The following ATXN2L variants were observed in gnomAD, a reference collection of about 807,000 sequenced individuals.
ATXN2L encodes ataxin 2 like, also known as ataxin-2-like protein.
Under a neutral mutation model 120.7 loss-of-function variants are expected in ATXN2L, and 24 were observed. The observed-to-expected ratio is 0.20, with a 90% CI of 0.14 to 0.28. The LOEUF (loss-of-function observed/expected upper bound fraction) is 0.28. ATXN2L is among the 10% of genes least tolerant of loss of function. The pLI is 1.00. For synonymous variants in ATXN2L, 653 were observed against 568.1 expected, an observed-to-expected ratio of 1.15 and a Z score of -2.13; for missense variants, 1,312 against 1,432.3, an observed-to-expected ratio of 0.92 and a Z score of 1.36.
At chr16:28,826,164 A>G (rs1005944225) in intron 4 of ATXN2L, 76 bp from the exon 5 acceptor site, 100 of 1,555,778 alleles carry the variant, frequency 6.4e-5, no homozygotes, top group Non-Finnish European at 5.6e-5. Context: ...GTTCTATTTA[A>G]GAGAAATCCA....
intron 18 of ATXN2L, 35 bp from the exon 19 acceptor site, chr16:28,835,023 G>A (rs752820877): frequency 9.4e-6 from 15 of 1,591,370 alleles, no homozygotes; most frequent in South Asian, 6.9e-5. Context: ...CCCAGCTGGC[G>A]GCTGTGCCAA....
In ATXN2L at chr16:28,836,846, G is replaced by C. The variant is rs1307278152; in HGVS notation, c.*581G>C. The C allele has an allele frequency of 7.6e-6, 12 of 1,585,826 alleles. No homozygotes were observed. Among genetic ancestry groups the C allele is most frequent in the Non-Finnish European group, 1.0e-5 (12 of 1,157,544 alleles). ...AGAGTGATCTATGTCTCTTCCCCCA[G>C]CAGCTCGGACCACTCCCAGCCCCCC... On this transcript the variant is annotated 3_prime_UTR_variant, in exon 22 of 22. Transcript: ENST00000336783.
chr16:28,823,400 T>C lies in ATXN2L; in HGVS notation c.141T>C (p.Ala47=). 1 of 1,324,750 alleles carries C rather than the reference T, an allele frequency of 7.5e-7. No individual in the cohort carries two copies. Among genetic ancestry groups the C allele is most frequent in the Non-Finnish European group, 9.6e-7 (1 of 1,041,882 alleles). 82.1% of individuals were successfully genotyped at this position (1,324,750 alleles called of 1,614,324 possible). ...CGGGGCCGCTGGCCACCTCTGCGGC[T>C]CCTCCCGGGCCTCCAGCGGCCGCCT... ...GLPGPLATSA[A]PPGPPAAASP... The change falls in exon 1 of 22, where the codon GCT becomes GCC. Residue 47 remains alanine (A), a synonymous_variant. Coordinates refer to ENST00000336783, the MANE Select transcript of ATXN2L (RefSeq NM_007245.4).
chr16:28,836,499 A>G lies in ATXN2L; in HGVS notation c.*234A>G. On this transcript the variant is annotated 3_prime_UTR_variant, in exon 22 of 22. Coordinates refer to ENST00000336783, the MANE Select transcript of ATXN2L (RefSeq NM_007245.4). ...GACTTAGCCGAGGTAAGGTCAGTGC[A>G]GCAGACAGGGCCAGACTGGGGTGTG... 1.2e-6 allele frequency: 2 copies of G among 1,606,562 alleles called. No individual in the cohort carries two copies. Among genetic ancestry groups the G allele is most frequent in the South Asian group, 2.2e-5 (2 of 90,178 alleles).
chr16:28,835,446 G>A, intron 20 of ATXN2L, 47 bp downstream of exon 20: 2 of 1,611,728 alleles, frequency 1.2e-6, no homozygotes, highest in Non-Finnish European at 1.7e-6. Flanking sequence ...AGGAATGGGT[G>A]GCCAGAAGAA....
rs763716379 is a variant in ATXN2L, at chr16:28,823,418, G to A, written c.159G>A (p.Ala53=). ...CTGCGGCTCCTCCCGGGCCTCCAGCGGCCGCCTCCCCCTGCCTGGGGCCTG... is the reference window on the plus strand; with the variant it reads ...CTGCGGCTCCTCCCGGGCCTCCAGCAGCCGCCTCCCCCTGCCTGGGGCCTG... ...ATSAAPPGPP[A]AASPCLGPVA... The change falls in exon 1 of 22, where the codon GCG becomes GCA. Residue 53 remains alanine (A), a synonymous_variant. Coordinates refer to ENST00000336783, the MANE Select transcript of ATXN2L (RefSeq NM_007245.4). 12 of 1,303,652 alleles carry A rather than the reference G, an allele frequency of 9.2e-6. No individual in the cohort carries two copies. Among genetic ancestry groups the A allele is most frequent in the Admixed American group, 3.9e-5 (1 of 25,370 alleles). 80.8% of individuals were successfully genotyped at this position (1,303,652 alleles called of 1,614,324 possible).
chr16:28,829,722 G>T (rs1241909016), intron 7 of ATXN2L, 136 bp from the exon 8 acceptor site: 5 of 938,520 alleles, frequency 5.3e-6, no homozygotes, highest in Non-Finnish European at 8.3e-6. Context: ...TGCAGTCGGT[G>T]CCCGTTACCC....
chr16:28,835,271 G>C lies in ATXN2L; in HGVS notation c.2564-7G>C, dbSNP rs1959998001. ...TCAGCACTGGTTCTCCCTCTTTCCTGCTGCAGCCACTGTTCACCAGTCCTA... is the reference window on the plus strand; with the variant it reads ...TCAGCACTGGTTCTCCCTCTTTCCTCCTGCAGCCACTGTTCACCAGTCCTA... On this transcript the variant is annotated splice_polypyrimidine_tract_variant and splice_region_variant and intron_variant, in intron 19 of 21. Transcript: ENST00000336783. 1 of 1,613,802 alleles carries C rather than the reference G, an allele frequency of 6.2e-7. No homozygotes were observed. The highest frequency in any genetic ancestry group is 8.5e-7 in the Non-Finnish European group (1 of 1,179,928).
At position 28,825,738 on chromosome 16, in the gene ATXN2L, A is replaced by G. The variant is rs563221890; in HGVS notation, c.394-32A>G. ...GGAACGTAATGCATCTACTTTCTGG[A>G]GACACTCTTCTTATTTTTCCCACTC... is the stretch of plus-strand genomic sequence containing the variant. On this transcript the variant is annotated intron_variant, in intron 3 of 21. Transcript: ENST00000336783. 5.6e-6 allele frequency: 9 copies of G among 1,613,428 alleles called. No homozygotes were observed. The South Asian group carries it at 7.7e-5, about 14-fold the overall frequency.
chr16:28,824,087 G>T, intron 1 of ATXN2L: 1 of 1,005,486 alleles, frequency 9.9e-7, no homozygotes, highest in African/African-American at 1.7e-5. Context: ...GCGGGGGGAC[G>T]GAAGGAGGGA....
intron 20 of ATXN2L, 42 bp from the exon 21 acceptor site, chr16:28,835,507 G>C: frequency 6.2e-7 from 1 of 1,610,440 alleles, no homozygotes; most frequent in Non-Finnish European, 8.5e-7. Flanking sequence ...GGGCCAGCGA[G>C]TTGCTGGCCT....
In ATXN2L at chr16:28,836,724, C is replaced by T; in HGVS notation, c.*459C>T. On this transcript the variant is annotated 3_prime_UTR_variant, in exon 22 of 22. Coordinates refer to ENST00000336783, the MANE Select transcript of ATXN2L (RefSeq NM_007245.4). ...CTGCTCTCTTCTCTTTCCCCTCCAA[C>T]CAGTTCAATCTCATCCCTCCCAGCA... 2.5e-6 allele frequency: 4 copies of T among 1,614,032 alleles called. No individual in the cohort carries two copies. Among genetic ancestry groups the T allele is most frequent in the Non-Finnish European group, 3.4e-6 (4 of 1,179,982 alleles).
chr16:28,823,635 G>T, intron 1 of ATXN2L, 77 bp downstream of exon 1: 1 of 1,236,244 alleles, frequency 8.1e-7, no homozygotes, highest in East Asian at 3.2e-5. Context: ...GGCGGACCCC[G>T]ACCCGGCACC....
chr16:28,833,358 A>G lies in ATXN2L; in HGVS notation c.1955+4A>G. On this transcript the variant is annotated splice_donor_region_variant and intron_variant, in intron 14 of 21. Transcript: ENST00000336783. ...AAGATGAGGGCCCTGTTGCTGAGTG[A>G]GTGGAGCGGGGTGGGGCTCTGGGAG... 1 of 1,613,026 alleles carries G rather than the reference A, an allele frequency of 6.2e-7. No homozygotes were observed. The highest frequency in any genetic ancestry group is 8.5e-7 in the Non-Finnish European group (1 of 1,179,182).
At chr16:28,825,944 AGTT>A in intron 4 of ATXN2L, 103 bp downstream of exon 4, 2 of 1,186,894 alleles carry the variant, frequency 1.7e-6, no homozygotes, top group Non-Finnish European at 2.5e-6. Flanking sequence ...GTATGCCTTT[AGTT>A]GTTTCTGTAG....
intron 15 of ATXN2L, 64 bp downstream of exon 15, chr16:28,833,572 A>T (rs953183231): frequency 6.7e-7 from 1 of 1,499,046 alleles, no homozygotes; most frequent in Non-Finnish European, 9.3e-7. Context: ...GTGCTTATAG[A>T]TGAATAGGGG....
chr16:28,828,605 A>G (rs539759157), intron 6 of ATXN2L, among the ~76,000 whole-genome samples: 96 of 151,916 alleles, frequency 6.3e-4, no homozygotes, highest in South Asian at 1.2e-3. Context: ...AAAAAAAAAA[A>G]ATTGCAGTTA....
Position 28,823,290 on chromosome 16 carries a change from T to C in ATXN2L, c.31T>C (p.Ser11Pro), listed in dbSNP as rs2050255930. ...GAAGCCTCAGCCGCTACAACAGCCC[T>C]CCCAGCCCCAGCAGCCGCCCCCCAC... MLKPQPLQQPSQPQQPPPTQQ... is the reference protein window; with the variant it reads MLKPQPLQQPPQPQQPPPTQQ... Residue 11 changes from serine (S) to proline (P), a missense_variant, in exon 1 of 22, where the codon TCC becomes CCC. By Grantham distance (74) the Ser-to-Pro change is moderately conservative. Coordinates refer to ENST00000336783, the MANE Select transcript of ATXN2L (RefSeq NM_007245.4). 2.7e-6 allele frequency: 4 copies of C among 1,490,944 alleles called. No homozygotes were observed. In the East Asian group the frequency reaches 1.1e-4, roughly 41 times the overall value. 92.4% of individuals were successfully genotyped at this position (1,490,944 alleles called of 1,614,324 possible).
At chr16:28,828,752 T>C (rs894664468) in intron 6 of ATXN2L, among the ~76,000 whole-genome samples, 2 of 152,090 alleles carry the variant, frequency 1.3e-5, no homozygotes, top group African/African-American at 4.8e-5. Flanking sequence ...TTTGTTTTTG[T>C]TTTTGTTTTT....
Sources: allele counts gnomAD v4.1 joint callset (sites outside exome capture counted in the v4.1 genomes callset), GRCh38; gene constraint gnomAD v4.1.1; transcripts MANE v1.5; gene names NCBI Gene and HGNC (gene_info 2026-07-23, HGNC 2026-07-21).